FAM13A: variants seen among roughly 807,000 people sequenced by gnomAD.
FAM13A encodes the protein family with sequence similarity 13 member A, also known as protein FAM13A.
A neutral mutation model predicts 129.6 loss-of-function variants in FAM13A; 76 were observed. The observed-to-expected ratio is 0.59, with a 90% confidence interval of 0.49 to 0.71. The LOEUF (loss-of-function observed/expected upper bound fraction) is 0.71, where lower values mean the gene tolerates loss of function less well. Ranked by LOEUF, FAM13A falls within the 30% of genes least tolerant of loss-of-function variation. The probability of loss-of-function intolerance (pLI) is 0.00; values close to 1 mark genes in which losing one functional copy is unlikely to be tolerated. For missense variants in FAM13A, 1,108 were observed against 1,249.3 expected (o/e 0.89, Z 1.70); for synonymous variants, 443 against 449.9 (o/e 0.98, Z 0.20).
At chr4:89,045,182 T>C (rs535708326) in intron 1 of FAM13A, among the ~76,000 whole-genome samples, 25 of 151,816 alleles carry the variant, frequency 1.6e-4, no homozygotes, top group African/African-American at 5.3e-4. Flanking sequence ...GATCAGATAA[T>C]AGGAGAATGT....
chr4:89,004,701 A>G (rs1013711976), intron 3 of FAM13A, among the ~76,000 whole-genome samples: 1 of 152,198 alleles, frequency 6.6e-6, no homozygotes, highest in Non-Finnish European at 1.5e-5. Context: ...AAAAATGAGG[A>G]GAATCACACT....
At chr4:88,900,657 T>C (rs946303449) in intron 6 of FAM13A, among the ~76,000 whole-genome samples, 8 of 151,998 alleles carry the variant, frequency 5.3e-5, no homozygotes, top group East Asian at 1.9e-4. Flanking sequence ...GCACTAAACA[T>C]GGAAAAGAAA....
intron 5 of FAM13A, among the ~76,000 whole-genome samples, chr4:88,908,955 A>G (rs547901073): frequency 2.0e-5 from 3 of 152,336 alleles, no homozygotes; most frequent in South Asian, 4.1e-4. Context: ...GAAAAGTTAA[A>G]TAATTCAACT....
rs77394556 is a variant in FAM13A, at chr4:89,045,638, T to C, written c.27+11300A>G. Among the ~76,000 whole-genome samples, 286 of 152,168 alleles carry C rather than the reference T, an allele frequency of 1.9e-3. 2 individuals carry two copies. Among genetic ancestry groups the C allele is most frequent in the Middle Eastern group, 0.01 (3 of 294 alleles). ...CAAGCAAAAATCATGCACTATGTAA[T>C]AAAAGAAAAATAAGAGTGGCCTCAA... On this transcript the variant is annotated intron_variant, in intron 1 of 23. Coordinates refer to ENST00000264344, the MANE Select transcript of FAM13A (RefSeq NM_014883.4).
intron 7 of FAM13A, among the ~76,000 whole-genome samples, chr4:88,833,284 G>C (rs566500925): frequency 7.2e-5 from 11 of 152,184 alleles, no homozygotes; most frequent in Middle Eastern, 6.8e-3. Flanking sequence ...TAATATGTAG[G>C]TGATGGGTTG....
At position 88,938,071 on chromosome 4, in the gene FAM13A, A is replaced by T; in HGVS notation, c.759+17T>A. 6.2e-7 allele frequency: 1 copy of T among 1,606,314 alleles called. No individual in the cohort carries two copies. Among genetic ancestry groups the T allele is most frequent in the Non-Finnish European group, 8.5e-7 (1 of 1,174,112 alleles). On this transcript the variant is annotated intron_variant, in intron 5 of 23. Transcript: ENST00000264344. ...AAAATTATAGCAATACTGAAAATTA[A>T]AAACCAAGTTGCTTACTTTTACTAT... is the stretch of plus-strand genomic sequence containing the variant.
At chr4:88,783,963 C>T (rs1168766678) in intron 10 of FAM13A, among the ~76,000 whole-genome samples, 1 of 152,016 alleles carries the variant, frequency 6.6e-6, no homozygotes. Flanking sequence ...GTTTAAGCCA[C>T]CCAGTCGGTG....
intron 14 of FAM13A, among the ~76,000 whole-genome samples, chr4:88,751,294 G>A (rs903977071): frequency 6.6e-6 from 1 of 152,124 alleles, no homozygotes; most frequent in African/African-American, 2.4e-5. Flanking sequence ...TGTGTTGGTG[G>A]GGGAGATATT....
intron 6 of FAM13A, among the ~76,000 whole-genome samples, chr4:88,880,775 GT>G (rs1305757917): frequency 1.5e-5 from 2 of 132,690 alleles, no homozygotes; most frequent in Non-Finnish European, 1.6e-5. Flanking sequence ...GGGTGGTGCG[GT>G]GGGGGGCGGG....
chr4:89,011,253 G>A (rs1283885455), intron 3 of FAM13A, among the ~76,000 whole-genome samples: 1 of 152,154 alleles, frequency 6.6e-6, no homozygotes, highest in Non-Finnish European at 1.5e-5. Context: ...TTTTTGGAAT[G>A]ATGACAAAGA....
chr4:88,865,878 CTTTTTTTT>C (rs34865210), intron 6 of FAM13A, among the ~76,000 whole-genome samples: 20 of 83,198 alleles, frequency 2.4e-4, no homozygotes, highest in Non-Finnish European at 3.0e-4. Flanking sequence ...TTGTCTCTCT[CTTTTTTTT>C]TTTTTTTTTT....
At chr4:88,926,592 T>TA (rs1251809052) in intron 5 of FAM13A, among the ~76,000 whole-genome samples, 1 of 152,206 alleles carries the variant, frequency 6.6e-6, no homozygotes, top group East Asian at 1.9e-4. Context: ...GGCAATGTGT[T>TA]ACATCTAATG....
In FAM13A at chr4:88,822,967, A is replaced by ATG. The variant is rs567345468; in HGVS notation, c.1008-17916_1008-17915insCA. 3.9e-5 allele frequency: 63 copies of ATG among 1,612,494 alleles called. 1 individual carries two copies. The African/African-American group carries it at 8.3e-4, about 21-fold the overall frequency. Reference sequence around the variant, plus strand: ...CATAGCAGAATAAAATAAAATAGGAAAATACTACCTTTGCAGAGGCATGAT... The same window carrying ATG: ...CATAGCAGAATAAAATAAAATAGGAATGAATACTACCTTTGCAGAGGCATGAT... On this transcript the variant is annotated intron_variant, in intron 7 of 23. Coordinates refer to ENST00000264344, the MANE Select transcript of FAM13A (RefSeq NM_014883.4).
At chr4:88,991,361 C>T (rs1178222408) in intron 3 of FAM13A, among the ~76,000 whole-genome samples, 1 of 152,058 alleles carries the variant, frequency 6.6e-6, no homozygotes, top group African/African-American at 2.4e-5. Flanking sequence ...TGGCATGAAC[C>T]CGGGAGGCGG....
chr4:88,995,081 GTA>G (rs1763371210), intron 3 of FAM13A, among the ~76,000 whole-genome samples: 1 of 151,732 alleles, frequency 6.6e-6, no homozygotes, highest in African/African-American at 2.4e-5. Context: ...CATCCAAAAT[GTA>G]TATTTGTTGC....
chr4:89,027,407 G>A lies in FAM13A; in HGVS notation c.217+2053C>T, dbSNP rs187912160. On this transcript the variant is annotated intron_variant, in intron 2 of 23. Transcript: ENST00000264344. ...CCTGTATAATGCCAGCTACTCAGAA[G>A]GCTGTGGTGGGAAGATTATTTGAAC... Among the ~76,000 whole-genome samples, 79 of 152,020 alleles carry A rather than the reference G, an allele frequency of 5.2e-4. 1 individual carries two copies. The highest frequency in any genetic ancestry group is 4.3e-3 in the Admixed American group (65 of 15,278).
At chr4:89,053,857 A>G (rs1771899975) in intron 1 of FAM13A, among the ~76,000 whole-genome samples, 3 of 152,158 alleles carry the variant, frequency 2.0e-5, no homozygotes, top group Admixed American at 6.6e-5. Flanking sequence ...CAGCCCACCA[A>G]TCTTTAATAT....
intron 5 of FAM13A, among the ~76,000 whole-genome samples, chr4:88,925,633 T>C (rs896963917): frequency 6.6e-6 from 1 of 151,710 alleles, no homozygotes; most frequent in African/African-American, 2.4e-5. Flanking sequence ...GCATGGCACA[T>C]GTATACATAT....
At chr4:88,942,783 T>C (rs1455790596) in intron 4 of FAM13A, among the ~76,000 whole-genome samples, 3 of 152,078 alleles carry the variant, frequency 2.0e-5, no homozygotes, top group Non-Finnish European at 4.4e-5. Context: ...CTATTTTCTT[T>C]GAAAAAAATA....
Sources: allele counts gnomAD v4.1 joint callset (sites outside exome capture counted in the v4.1 genomes callset), GRCh38; gene constraint gnomAD v4.1.1; transcripts MANE v1.5; gene names NCBI Gene and HGNC (gene_info 2026-07-23, HGNC 2026-07-21).